The following MRRF variants were observed in gnomAD, a reference collection of about 807,000 sequenced individuals.
MRRF encodes mitochondrial ribosome recycling factor.
In MRRF, 18 loss-of-function variants were observed where a neutral mutation model predicts 25.1. The observed-to-expected ratio is 0.72, with a 90% CI of 0.50 to 1.06. The LOEUF (loss-of-function observed/expected upper bound fraction) is 1.06, where lower values mean the gene tolerates loss of function less well. Among genes scored for constraint, MRRF ranks in the 50% least tolerant of loss-of-function variants. The pLI is 0.00. For synonymous variants in MRRF, 113 were observed against 112.1 expected (o/e 1.01, Z -0.05); for missense variants, 323 against 319.3 (o/e 1.01, Z -0.09).
intron 1 of MRRF, chr9:122,265,720 C>A: frequency 7.8e-7 from 1 of 1,285,376 alleles, no homozygotes; most frequent in South Asian, 1.2e-5. Flanking sequence ...AGAGCTGCCG[C>A]AAATGCTTTT....
Position 122,285,399 on chromosome 9 carries a change from A to G in MRRF, c.459+112A>G, listed in dbSNP as rs1314485606. 30 of 806,320 alleles carry G rather than the reference A, an allele frequency of 3.7e-5. No homozygotes were observed. In the East Asian group the frequency reaches 6.6e-4, roughly 18 times the overall value. 49.9% of individuals were successfully genotyped at this position (806,320 alleles called of 1,614,324 possible). ...CTTAGGATGAAACAAGAGAGAAGAC[A>G]TAATAAAGAGAACTTAAGGATAAGG... is the stretch of plus-strand genomic sequence containing the variant. On this transcript the variant is annotated intron_variant, in intron 4 of 6. Coordinates refer to ENST00000344641, the MANE Select transcript of MRRF (RefSeq NM_138777.5).
chr9:122,268,286 G>T (rs1227512506), intron 1 of MRRF, among the ~76,000 whole-genome samples: 1 of 152,188 alleles, frequency 6.6e-6, no homozygotes, highest in Non-Finnish European at 1.5e-5. Context: ...TCTGTCAAAG[G>T]TTGTTTATTT....
Position 122,330,665 on chromosome 9 carries a change from C to T in MRRF, c.*8048C>T, listed in dbSNP as rs907790355. 2.0e-5 allele frequency: 3 copies of T among 152,288 alleles called. No homozygotes were observed. The highest frequency in any genetic ancestry group is 4.4e-5 in the Non-Finnish European group (3 of 68,090). 9.4% of individuals were successfully genotyped at this position (152,288 alleles called of 1,614,324 possible). A position where few individuals can be genotyped will look rare whatever the true frequency, so the allele number is the denominator to read the frequency against. The stretch of plus-strand genomic sequence containing the variant: ...ACACAGAGGGCCTAGTGCAGTAGCT[C>T]ATGCCTGGAATCTCAGCACTTTGGG... On this transcript the variant is annotated 3_prime_UTR_variant, in exon 7 of 7. Transcript: ENST00000344641. This position sits in a 1 kb window ranked among gnomAD's most constrained non-coding sequence, Gnocchi z 4.2.
At position 122,302,456 on chromosome 9, in the gene MRRF, T is replaced by TA. The variant is rs146176146; in HGVS notation, c.551+10617dup. On this transcript the variant is annotated intron_variant, in intron 5 of 6. Coordinates refer to ENST00000344641, the MANE Select transcript of MRRF (RefSeq NM_138777.5). ...ATTTTATGTAAGTGGAGTCACACGA[T>TA]ATGTGGTCTTTTGTGACTGGCTTCT... Among the ~76,000 whole-genome samples the TA allele has an allele frequency of 2.1e-3, 315 of 152,368 alleles. 9 individuals are homozygous for TA. The East Asian group carries it at 0.056, about 27-fold the overall frequency.
intron 1 of MRRF, among the ~76,000 whole-genome samples, chr9:122,267,277 A>G (rs1265521589): frequency 6.6e-6 from 1 of 150,900 alleles, no homozygotes; most frequent in Non-Finnish European, 1.5e-5. Context: ...CCTACTCAGG[A>G]GGCTGAGGCA....
chr9:122,289,983 G>C (rs1032502833), intron 4 of MRRF, among the ~76,000 whole-genome samples: 1 of 151,730 alleles, frequency 6.6e-6, no homozygotes, highest in Admixed American at 6.6e-5. Context: ...GAGCCTGGGA[G>C]GTCAAGGCTG....
chr9:122,316,494 G>A (rs1835536039), intron 6 of MRRF, among the ~76,000 whole-genome samples: 1 of 152,064 alleles, frequency 6.6e-6, no homozygotes, highest in South Asian at 2.1e-4. Context: ...AACCAGGATT[G>A]TTAATAACTT....
At chr9:122,304,062 AACACACACACAC>A (rs66775611) in intron 5 of MRRF, among the ~76,000 whole-genome samples, 48 of 139,886 alleles carry the variant, frequency 3.4e-4, no homozygotes, top group Non-Finnish European at 4.4e-4. Flanking sequence ...ACCCTTTTCT[AACACACACACAC>A]ACACACACAC....
At chr9:122,290,485 TG>T (rs1419767750) in intron 4 of MRRF, among the ~76,000 whole-genome samples, 3 of 152,232 alleles carry the variant, frequency 2.0e-5, no homozygotes, top group African/African-American at 7.2e-5. Flanking sequence ...GGTTTGTCTT[TG>T]TGACCTTATA....
At chr9:122,267,977 C>G (rs1832221320) in intron 1 of MRRF, among the ~76,000 whole-genome samples, 1 of 152,180 alleles carries the variant, frequency 6.6e-6, no homozygotes, top group African/African-American at 2.4e-5. Flanking sequence ...CAGACTGCGT[C>G]CAAAGCTCAG....
chr9:122,311,006 G>A (rs16911618), intron 5 of MRRF, among the ~76,000 whole-genome samples: 2,400 of 152,200 alleles, frequency 0.016, 61 homozygotes, highest in African/African-American at 0.05. Flanking sequence ...ATTTATTCAA[G>A]GCTACTATAT....
At chr9:122,274,768 C>A (rs1832676815) in intron 2 of MRRF, among the ~76,000 whole-genome samples, 1 of 151,614 alleles carries the variant, frequency 6.6e-6, no homozygotes, top group South Asian at 2.1e-4. Context: ...TCCATTTTTT[C>A]TTTCTTAATA....
intron 2 of MRRF, among the ~76,000 whole-genome samples, chr9:122,275,125 A>C (rs1452006282): frequency 6.6e-6 from 1 of 151,602 alleles, no homozygotes; most frequent in Non-Finnish European, 1.5e-5. Context: ...AGCACATAAA[A>C]TCTGTCTTAG....
intron 1 of MRRF, among the ~76,000 whole-genome samples, chr9:122,270,228 T>C (rs1235596275): frequency 6.6e-6 from 1 of 152,226 alleles, no homozygotes; most frequent in African/African-American, 2.4e-5. Flanking sequence ...CATCTTTCCA[T>C]GGTCAAAGAC....
rs149244721 is a variant in MRRF at position 122,309,192 on chromosome 9, CTG to C, written c.552-4033_552-4032del. Among the ~76,000 whole-genome samples the C allele has an allele frequency of 6.5e-3, 991 of 152,288 alleles. 9 individuals are homozygous for C. The highest frequency in any genetic ancestry group is 0.023 in the African/African-American group (953 of 41,560). The stretch of plus-strand genomic sequence containing the variant: ...CTTAGCATAATGTTTTTTATGCTAA[CTG>C]TTTTTTATGCTAAGGTTCATCCATG... On this transcript the variant is annotated intron_variant, in intron 5 of 6. Transcript: ENST00000344641.
intron 4 of MRRF, among the ~76,000 whole-genome samples, chr9:122,288,982 C>T (rs541200524): frequency 3.3e-5 from 5 of 152,168 alleles, no homozygotes; most frequent in East Asian, 3.9e-4. Flanking sequence ...GCATCCTTTC[C>T]GTGAAGGGAT....
chr9:122,305,714 G>C (rs1834799450), intron 5 of MRRF, among the ~76,000 whole-genome samples: 1 of 152,128 alleles, frequency 6.6e-6, no homozygotes, highest in Admixed American at 6.6e-5. Context: ...TTCTTCTCTT[G>C]CTTTATTTTC....
At position 122,295,383 on chromosome 9, in the gene MRRF, A is replaced by G. The variant is rs141983376; in HGVS notation, c.551+3543A>G. 3.7e-3 allele frequency among the ~76,000 whole-genome samples: 569 copies of G among 152,048 alleles called. 6 individuals carry two copies. Among genetic ancestry groups the G allele is most frequent in the African/African-American group, 0.013 (529 of 41,460 alleles). ...GCGGTGAGGAGGAAAATAACACATC[A>G]TATCTTAAGTTGGGACTTTGAGGGG... On this transcript the variant is annotated intron_variant, in intron 5 of 6. Transcript: ENST00000344641.
At position 122,276,521 on chromosome 9, in the gene MRRF, C is replaced by T. The variant is rs552525519; in HGVS notation, c.185-3922C>T. Among the ~76,000 whole-genome samples, 4 of 152,302 alleles carry T rather than the reference C, an allele frequency of 2.6e-5. No individual in the cohort carries two copies. The South Asian group carries it at 8.3e-4, about 32-fold the overall frequency. ...TCAATATTTAAACATTTCCATTATG[C>T]ATTTCTTTATAGCCCATGAGTGTTT... On this transcript the variant is annotated intron_variant, in intron 2 of 6. Coordinates refer to ENST00000344641, the MANE Select transcript of MRRF (RefSeq NM_138777.5).
Sources: allele counts gnomAD v4.1 joint callset (sites outside exome capture counted in the v4.1 genomes callset), GRCh38; gene constraint gnomAD v4.1.1; non-coding constraint Gnocchi (gnomAD v3.1); transcripts MANE v1.5; gene names NCBI Gene and HGNC (gene_info 2026-07-23, HGNC 2026-07-21).